ETV6: variants seen among roughly 807,000 people sequenced by gnomAD.
ETV6 encodes ETS variant transcription factor 6.
ETV6 carries 16 observed loss-of-function variants against 51.1 expected under a neutral mutation model. The observed-to-expected ratio is 0.31, with a 90% CI of 0.21 to 0.48. The LOEUF is 0.48. Ranked by LOEUF, ETV6 falls within the 20% of genes least tolerant of loss-of-function variation. The pLI is 0.99. For missense variants in ETV6, 458 were observed against 594.8 expected (o/e 0.77, Z 2.39); for synonymous variants, 240 against 224.1 (o/e 1.07, Z -0.64).
At chr12:11,781,188 G>A (rs971914291) in intron 2 of ETV6, among the ~76,000 whole-genome samples, 4 of 152,114 alleles carry the variant, frequency 2.6e-5, no homozygotes, top group African/African-American at 9.7e-5. Flanking sequence ...CATAAAGATC[G>A]ATGAGTCTAA....
chr12:11,860,103 C>T (rs1946693867), intron 4 of ETV6, among the ~76,000 whole-genome samples: 1 of 152,180 alleles, frequency 6.6e-6, no homozygotes, highest in Admixed American at 6.5e-5. Context: ...CACCTACCCC[C>T]TGAGGAGCCA....
At chr12:11,669,081 AG>A (rs942463697) in intron 1 of ETV6, among the ~76,000 whole-genome samples, 27 of 152,220 alleles carry the variant, frequency 1.8e-4, no homozygotes, top group Non-Finnish European at 3.4e-4. Flanking sequence ...TCTTTTTAAA[AG>A]TTTTCCTTAA....
intron 1 of ETV6, among the ~76,000 whole-genome samples, chr12:11,741,573 G>A (rs1041804919): frequency 6.6e-6 from 1 of 152,214 alleles, no homozygotes; most frequent in African/African-American, 2.4e-5. Context: ...GGGTGGACAT[G>A]GGGGGAGCTG....
intron 3 of ETV6, among the ~76,000 whole-genome samples, chr12:11,841,373 T>C (rs1480240929): frequency 6.6e-6 from 1 of 151,974 alleles, no homozygotes; most frequent in Non-Finnish European, 1.5e-5. Context: ...GAGAGCAGAG[T>C]AGCACTGGTG....
intron 4 of ETV6, among the ~76,000 whole-genome samples, chr12:11,858,391 AAT>A (rs1555143182): frequency 4.1e-5 from 3 of 73,518 alleles, no homozygotes; most frequent in Non-Finnish European, 8.2e-5. Flanking sequence ...TATCCCCTTA[AAT>A]ATATATATAT....
intron 5 of ETV6, among the ~76,000 whole-genome samples, chr12:11,870,459 C>T (rs1368736337): frequency 6.6e-6 from 1 of 152,024 alleles, no homozygotes; most frequent in Non-Finnish European, 1.5e-5. Context: ...GCAGGTGTTG[C>T]TGGGCCATTT....
chr12:11,715,862 A>G (rs1033560747), intron 1 of ETV6, among the ~76,000 whole-genome samples: 3 of 152,236 alleles, frequency 2.0e-5, no homozygotes, highest in Non-Finnish European at 2.9e-5. Context: ...GAGAATTTGC[A>G]TCAGGTTTCT....
At position 11,669,976 on chromosome 12, in the gene ETV6, C is replaced by T. The variant is rs548663167; in HGVS notation, c.33+19816C>T. ...CTTCACACCATCTTCTTGCCCTTCT[C>T]TCTGCTTTTCGATGATTCTACCCCA... On this transcript the variant is annotated intron_variant, in intron 1 of 7. Transcript: ENST00000396373. Among the ~76,000 whole-genome samples the T allele has an allele frequency of 2.2e-4, 33 of 150,896 alleles. 1 individual carries two copies. The South Asian group carries it at 4.4e-3, about 20-fold the overall frequency.
At chr12:11,651,626 T>C (rs1255024579) in intron 1 of ETV6, among the ~76,000 whole-genome samples, 1 of 152,210 alleles carries the variant, frequency 6.6e-6, no homozygotes, top group African/African-American at 2.4e-5. Flanking sequence ...TTGATATTAA[T>C]ACTTCAAAAC....
At chr12:11,798,446 T>C (rs1945706841) in intron 2 of ETV6, among the ~76,000 whole-genome samples, 1 of 152,114 alleles carries the variant, frequency 6.6e-6, no homozygotes, top group Non-Finnish European at 1.5e-5. Flanking sequence ...TTAGAGCCCC[T>C]GAAAGTGTAG....
Position 11,892,710 on chromosome 12 carries a change from T to TCCCAGGTGAAGTTAC in ETV6, c.*1666_*1680dup, listed in dbSNP as rs1256381792. 4 of 233,014 alleles carry TCCCAGGTGAAGTTAC rather than the reference T, an allele frequency of 1.7e-5. No homozygotes were observed. Among genetic ancestry groups the TCCCAGGTGAAGTTAC allele is most frequent in the African/African-American group, 8.8e-5 (4 of 45,322 alleles). 14.4% of individuals were successfully genotyped at this position (233,014 alleles called of 1,614,324 possible). ...ATACATATGTGCCCTCAGCAGCAGC[T>TCCCAGGTGAAGTTAC]CCCAGGTGAAGTTACCAGACCCCTG... On this transcript the variant is annotated 3_prime_UTR_variant, in exon 8 of 8. Transcript: ENST00000396373.
chr12:11,701,571 A>G (rs1189219051), intron 1 of ETV6, among the ~76,000 whole-genome samples: 1 of 152,192 alleles, frequency 6.6e-6, no homozygotes, highest in Non-Finnish European at 1.5e-5. Flanking sequence ...CCAAAGCGAA[A>G]CTTCCAAAGG....
intron 1 of ETV6, among the ~76,000 whole-genome samples, chr12:11,693,669 G>A (rs1864815626): frequency 6.6e-6 from 1 of 152,192 alleles, no homozygotes; most frequent in Non-Finnish European, 1.5e-5. Flanking sequence ...GGTAGCAACA[G>A]TATGTGCTGG....
intron 2 of ETV6, among the ~76,000 whole-genome samples, chr12:11,784,809 G>A (rs1259296402): frequency 6.7e-6 from 1 of 150,308 alleles, no homozygotes; most frequent in African/African-American, 2.5e-5. Context: ...TGATCCTTCC[G>A]CCGCAGCCTC....
intron 1 of ETV6, among the ~76,000 whole-genome samples, chr12:11,743,130 C>T (rs916931520): frequency 2.0e-5 from 3 of 152,104 alleles, no homozygotes; most frequent in African/African-American, 7.2e-5. Flanking sequence ...GAGATAATAC[C>T]GTGTGACGAC....
At chr12:11,693,576 C>T (rs142836692) in intron 1 of ETV6, among the ~76,000 whole-genome samples, 56 of 152,320 alleles carry the variant, frequency 3.7e-4, no homozygotes, top group South Asian at 8.3e-4. Context: ...AGAGTTCACC[C>T]AAGTTCGGAC....
intron 2 of ETV6, among the ~76,000 whole-genome samples, chr12:11,813,563 T>A (rs1945945558): frequency 6.6e-6 from 1 of 152,160 alleles, no homozygotes. Context: ...GGCTCAGTAC[T>A]GTGTGGTATG....
At chr12:11,868,753 A>G (rs1946828715) in intron 4 of ETV6, among the ~76,000 whole-genome samples, 1 of 152,172 alleles carries the variant, frequency 6.6e-6, no homozygotes, top group Admixed American at 6.5e-5. Context: ...ATGTAAGTCA[A>G]TGAAAGCATC....
intron 1 of ETV6, among the ~76,000 whole-genome samples, chr12:11,719,617 A>G (rs1310104965): frequency 2.0e-5 from 3 of 152,382 alleles, no homozygotes; most frequent in Admixed American, 6.5e-5. Flanking sequence ...GCCAACACCA[A>G]GAGGCCTCGA....
Sources: allele counts gnomAD v4.1 joint callset (sites outside exome capture counted in the v4.1 genomes callset), GRCh38; gene constraint gnomAD v4.1.1; transcripts MANE v1.5; gene names NCBI Gene and HGNC (gene_info 2026-07-23, HGNC 2026-07-21).